The following CDH12 variants were observed in gnomAD, a reference collection of about 807,000 sequenced individuals.
CDH12 encodes cadherin 12, also known as cadherin-12.
A neutral mutation model predicts 74.1 loss-of-function variants in CDH12; 41 were observed. That is an observed-to-expected ratio of 0.55 (90% CI 0.43 to 0.72). The LOEUF is 0.72. Among genes scored for constraint, CDH12 ranks in the 30% least tolerant of loss-of-function variants. CDH12 has a pLI of 0.00. For synonymous variants in CDH12, 399 were observed against 355.0 expected, an observed-to-expected ratio of 1.12 and a Z score of -1.39; for missense variants, 945 against 977.2, an observed-to-expected ratio of 0.97 and a Z score of 0.44.
intron 1 of CDH12, among the ~76,000 whole-genome samples, chr5:22,852,142 G>A (rs1737586026): frequency 6.6e-6 from 1 of 152,124 alleles, no homozygotes; most frequent in African/African-American, 2.4e-5. Context: ...CAAAATACTC[G>A]ATGAGAAATT....
chr5:22,269,202 ATTACC>A (rs1736273822), intron 3 of CDH12, among the ~76,000 whole-genome samples: 1 of 152,178 alleles, frequency 6.6e-6, no homozygotes, highest in Non-Finnish European at 1.5e-5. Flanking sequence ...AATCAATATT[ATTACC>A]ACTTGGCTAA....
chr5:22,212,608 T>C lies in CDH12; in HGVS notation c.-297A>G. Reference sequence around the variant, plus strand: ...ACACCCTCCAAGTAGCTGCATCCTGTGCTCCTTTTCCCTGTTATGTTGAGC... The same window carrying C: ...ACACCCTCCAAGTAGCTGCATCCTGCGCTCCTTTTCCCTGTTATGTTGAGC... On this transcript the variant is annotated 5_prime_UTR_variant, in exon 4 of 15. Transcript: ENST00000382254. 1 of 985,524 alleles carries C rather than the reference T, an allele frequency of 1.0e-6. No individual in the cohort carries two copies. Among genetic ancestry groups the C allele is most frequent in the Non-Finnish European group, 1.2e-6 (1 of 829,612 alleles). The allele number at this position is 985,524 out of a possible 1,614,324, so 61.0% of individuals were successfully genotyped here. A position where few individuals can be genotyped will look rare whatever the true frequency, so the allele number is the denominator to read the frequency against.
At chr5:22,698,720 TA>T (rs1742539614) in intron 1 of CDH12, among the ~76,000 whole-genome samples, 1 of 18,206 alleles carries the variant, frequency 5.5e-5, no homozygotes. Flanking sequence ...TATATATATA[TA>T]TATATATATA....
chr5:22,833,967 A>G (rs2126506511), intron 1 of CDH12, among the ~76,000 whole-genome samples: 1 of 152,262 alleles, frequency 6.6e-6, no homozygotes, highest in Admixed American at 6.5e-5. Context: ...TTTGAACCAA[A>G]GGACATGACC....
chr5:22,312,328 T>A (rs978869905), intron 3 of CDH12, among the ~76,000 whole-genome samples: 1 of 152,170 alleles, frequency 6.6e-6, no homozygotes, highest in Non-Finnish European at 1.5e-5. Context: ...CAACTTAATG[T>A]GACTTTACAA....
chr5:22,449,357 C>T (rs945940137), intron 2 of CDH12, among the ~76,000 whole-genome samples: 2 of 151,972 alleles, frequency 1.3e-5, no homozygotes, highest in African/African-American at 2.4e-5. Flanking sequence ...TTTCTCACCC[C>T]ATTAACTCCC....
intron 1 of CDH12, among the ~76,000 whole-genome samples, chr5:22,604,285 C>T (rs16897245): frequency 0.13 from 19,338 of 152,140 alleles, 1,952 homozygotes; most frequent in Admixed American, 0.32. Flanking sequence ...TTCTCCCATG[C>T]CCAGCACTTG....
chr5:22,227,923 G>A (rs1403802584), intron 3 of CDH12, among the ~76,000 whole-genome samples: 3 of 152,124 alleles, frequency 2.0e-5, no homozygotes, highest in Non-Finnish European at 4.4e-5. Flanking sequence ...TCAGGATGGA[G>A]CTCACGTTCA....
At chr5:22,843,977 A>G (rs910557040) in intron 1 of CDH12, among the ~76,000 whole-genome samples, 2 of 151,998 alleles carry the variant, frequency 1.3e-5, no homozygotes, top group African/African-American at 4.8e-5. Flanking sequence ...GTATTAATGC[A>G]TGAGGAAACA....
intron 1 of CDH12, among the ~76,000 whole-genome samples, chr5:22,796,677 G>T (rs1225126843): frequency 7.5e-6 from 1 of 133,050 alleles, no homozygotes; most frequent in Non-Finnish European, 1.6e-5. Context: ...CCGCCACTAC[G>T]CCCGGCTAAT....
intron 1 of CDH12, among the ~76,000 whole-genome samples, chr5:22,785,040 T>C (rs982922885): frequency 2.0e-5 from 3 of 152,152 alleles, no homozygotes; most frequent in Non-Finnish European, 4.4e-5. Flanking sequence ...GATTTTTGTG[T>C]ACGGCCCCTA....
intron 3 of CDH12, among the ~76,000 whole-genome samples, chr5:22,274,257 C>A (rs1007471892): frequency 6.6e-6 from 1 of 151,814 alleles, no homozygotes; most frequent in Non-Finnish European, 1.5e-5. Flanking sequence ...TGCCAAGAAT[C>A]GAGGAAAATT....
chr5:21,877,688 G>A (rs1752013147), intron 6 of CDH12, among the ~76,000 whole-genome samples: 1 of 152,154 alleles, frequency 6.6e-6, no homozygotes, highest in Non-Finnish European at 1.5e-5. Context: ...AATCAATGGA[G>A]CAGCTTCAAA....
intron 7 of CDH12, among the ~76,000 whole-genome samples, chr5:21,843,363 C>G (rs940696562): frequency 6.6e-6 from 1 of 152,102 alleles, no homozygotes; most frequent in African/African-American, 2.4e-5. Flanking sequence ...AACATACATC[C>G]TTGTTTTATC....
At chr5:22,042,395 G>T in intron 5 of CDH12, among the ~76,000 whole-genome samples, 1 of 151,956 alleles carries the variant, frequency 6.6e-6, no homozygotes, top group East Asian at 1.9e-4. Context: ...CAAACTTTTA[G>T]CCAGATAAAC....
intron 3 of CDH12, among the ~76,000 whole-genome samples, chr5:22,346,394 T>C (rs1012259310): frequency 1.4e-4 from 22 of 152,194 alleles, no homozygotes; most frequent in African/African-American, 5.1e-4. Context: ...CCCAGATTAC[T>C]ATCAATTCTA....
chr5:21,844,153 A>C (rs1292512036), intron 7 of CDH12, among the ~76,000 whole-genome samples: 1 of 152,140 alleles, frequency 6.6e-6, no homozygotes, highest in Non-Finnish European at 1.5e-5. Flanking sequence ...AGATTAAAAC[A>C]TTAAGATGCA....
chr5:22,286,143 T>C (rs1031900338), intron 3 of CDH12, among the ~76,000 whole-genome samples: 5 of 152,154 alleles, frequency 3.3e-5, no homozygotes, highest in African/African-American at 1.2e-4. Context: ...TCATGCATTA[T>C]TTCCCAATTT....
chr5:21,952,509 A>T (rs933656089), intron 6 of CDH12, among the ~76,000 whole-genome samples: 1 of 152,222 alleles, frequency 6.6e-6, no homozygotes, highest in African/African-American at 2.4e-5. Context: ...AGCCACTGAC[A>T]TAACTTTCGC....
Sources: allele counts gnomAD v4.1 joint callset (sites outside exome capture counted in the v4.1 genomes callset), GRCh38; gene constraint gnomAD v4.1.1; transcripts MANE v1.5; gene names NCBI Gene and HGNC (gene_info 2026-07-23, HGNC 2026-07-21).